Variants in HS3ST5 observed in about 807,000 individuals in gnomAD.
HS3ST5 encodes heparan sulfate-glucosamine 3-sulfotransferase 5, also known as heparan sulfate glucosamine 3-O-sulfotransferase 5.
A neutral mutation model predicts 25.4 loss-of-function variants in HS3ST5; 10 were observed. The observed-to-expected ratio is 0.39, with a 90% CI of 0.24 to 0.67. The LOEUF (loss-of-function observed/expected upper bound fraction) is 0.67. Among genes scored for constraint, HS3ST5 ranks in the 30% least tolerant of loss-of-function variants. The probability of loss-of-function intolerance (pLI) is 0.44; values close to 1 mark genes in which losing one functional copy is unlikely to be tolerated. For missense variants in HS3ST5, 324 were observed against 420.7 expected (o/e 0.77, Z 2.01); for synonymous variants, 170 against 162.4 (o/e 1.05, Z -0.36).
chr6:114,106,529 A>C (rs574012427), intron 3 of HS3ST5, among the ~76,000 whole-genome samples: 2 of 152,228 alleles, frequency 1.3e-5, no homozygotes, highest in South Asian at 4.1e-4. Flanking sequence ...ATACTTTAAA[A>C]AATACATCTA....
At chr6:114,183,925 G>C (rs983548277) in intron 2 of HS3ST5, among the ~76,000 whole-genome samples, 12 of 152,210 alleles carry the variant, frequency 7.9e-5, no homozygotes, top group African/African-American at 2.9e-4. Flanking sequence ...GAGCTTTGTT[G>C]TAAAGCAGCA....
chr6:114,336,299 A>T (rs1776609022), intron 1 of HS3ST5, among the ~76,000 whole-genome samples: 1 of 152,232 alleles, frequency 6.6e-6, no homozygotes, highest in African/African-American at 2.4e-5. Context: ...TTCCATTACC[A>T]TATAATAGAT....
chr6:114,102,227 G>T (rs1299596267), intron 3 of HS3ST5, among the ~76,000 whole-genome samples: 1 of 152,186 alleles, frequency 6.6e-6, no homozygotes, highest in Non-Finnish European at 1.5e-5. Flanking sequence ...TGTATTAACT[G>T]CAGAGTTGCC....
At chr6:114,090,034 T>A (rs527518032) in intron 3 of HS3ST5, among the ~76,000 whole-genome samples, 1 of 152,354 alleles carries the variant, frequency 6.6e-6, no homozygotes, top group African/African-American at 2.4e-5. Context: ...GAGAACCCTG[T>A]ACATGTGGCC....
intron 3 of HS3ST5, among the ~76,000 whole-genome samples, chr6:114,105,708 A>G (rs115001487): frequency 0.013 from 1,924 of 152,246 alleles, 34 homozygotes; most frequent in African/African-American, 0.043. Context: ...ATTTGCTATA[A>G]TAACTAACTG....
intron 1 of HS3ST5, among the ~76,000 whole-genome samples, chr6:114,331,361 A>T (rs1352343842): frequency 6.6e-6 from 1 of 152,212 alleles, no homozygotes; most frequent in Non-Finnish European, 1.5e-5. Context: ...TTATTGCTCA[A>T]GATTTTCTCT....
chr6:114,208,376 G>A (rs1315337436), intron 2 of HS3ST5, among the ~76,000 whole-genome samples: 1 of 152,082 alleles, frequency 6.6e-6, no homozygotes, highest in Non-Finnish European at 1.5e-5. Flanking sequence ...TCCACATTTG[G>A]GGTTGAAGAA....
chr6:114,139,199 G>C (rs1183138084), intron 3 of HS3ST5, among the ~76,000 whole-genome samples: 6 of 152,144 alleles, frequency 3.9e-5, no homozygotes, highest in Non-Finnish European at 7.4e-5. Context: ...GACTGAAGGA[G>C]TGTTTGGTTT....
At chr6:114,143,482 A>C (rs552873109) in intron 3 of HS3ST5, 2 of 152,306 alleles carry the variant, frequency 1.3e-5, no homozygotes, top group African/African-American at 4.8e-5. Flanking sequence ...ATGTAGTATC[A>C]TTACTATTCC....
At chr6:114,198,557 A>G (rs1417817285) in intron 2 of HS3ST5, among the ~76,000 whole-genome samples, 2 of 152,198 alleles carry the variant, frequency 1.3e-5, no homozygotes, top group Non-Finnish European at 1.5e-5. Flanking sequence ...TTAAGGTGCA[A>G]TTAGCACCTT....
At chr6:114,244,516 T>C (rs1772292616) in intron 1 of HS3ST5, among the ~76,000 whole-genome samples, 1 of 152,206 alleles carries the variant, frequency 6.6e-6, no homozygotes, top group South Asian at 2.1e-4. Context: ...AATATCTAGC[T>C]CATTTTTAGA....
chr6:114,153,140 G>T (rs1024390371), intron 3 of HS3ST5, among the ~76,000 whole-genome samples: 1 of 152,062 alleles, frequency 6.6e-6, no homozygotes, highest in Non-Finnish European at 1.5e-5. Flanking sequence ...TGATGCCCAC[G>T]GTACTGTTAA....
intron 2 of HS3ST5, among the ~76,000 whole-genome samples, chr6:114,224,450 T>A (rs1354493432): frequency 1.3e-5 from 2 of 151,404 alleles, no homozygotes; most frequent in Non-Finnish European, 3.0e-5. Flanking sequence ...CCTTGATAAT[T>A]TATCTCTTTA....
At position 114,189,756 on chromosome 6, in the gene HS3ST5, C is replaced by T. The variant is rs76637510; in HGVS notation, c.-144-21294G>A. Among the ~76,000 whole-genome samples, 68 of 152,172 alleles carry T rather than the reference C, an allele frequency of 4.5e-4. No homozygotes were observed. The East Asian group carries it at 0.01, about 23-fold the overall frequency. ...AGTCTCTGTTTCCTGCAAGGTGTTTCGGTCTGGTTTTGTTTGTCAAATTAG... is the reference window on the plus strand; with the variant it reads ...AGTCTCTGTTTCCTGCAAGGTGTTTTGGTCTGGTTTTGTTTGTCAAATTAG... On this transcript the variant is annotated intron_variant, in intron 2 of 4. Coordinates refer to ENST00000312719, the MANE Select transcript of HS3ST5 (RefSeq NM_153612.4).
At position 114,135,757 on chromosome 6, in the gene HS3ST5, C is replaced by G. The variant is rs914124524; in HGVS notation, c.-33+32594G>C. On this transcript the variant is annotated intron_variant, in intron 3 of 4. Transcript: ENST00000312719. The stretch of plus-strand genomic sequence containing the variant: ...TGCCAGGCATAGTGTTTATTCTGTC[C>G]TTGCTCTTTCAACTCTGCCTGGAAG... Among the ~76,000 whole-genome samples the G allele has an allele frequency of 6.6e-5, 10 of 152,174 alleles. No individual in the cohort carries two copies. In the South Asian group the frequency reaches 1.2e-3, roughly 19 times the overall value.
At chr6:114,213,076 G>C (rs961934267) in intron 2 of HS3ST5, among the ~76,000 whole-genome samples, 4 of 152,140 alleles carry the variant, frequency 2.6e-5, no homozygotes, top group Non-Finnish European at 5.9e-5. Flanking sequence ...TATTGCCGAT[G>C]AAAGTGGCTC....
At chr6:114,133,630 A>G (rs957157360) in intron 3 of HS3ST5, among the ~76,000 whole-genome samples, 2 of 152,206 alleles carry the variant, frequency 1.3e-5, no homozygotes, top group African/African-American at 2.4e-5. Context: ...TTGAGTGCTT[A>G]TTGTGTACCA....
chr6:114,242,527 T>C (rs1054416189), intron 1 of HS3ST5, among the ~76,000 whole-genome samples: 1 of 152,202 alleles, frequency 6.6e-6, no homozygotes, highest in African/African-American at 2.4e-5. Flanking sequence ...GTAGATTTTA[T>C]TGATGTCTTC....
At chr6:114,276,091 G>C (rs1773838332) in intron 1 of HS3ST5, among the ~76,000 whole-genome samples, 1 of 151,866 alleles carries the variant, frequency 6.6e-6, no homozygotes, top group Non-Finnish European at 1.5e-5. Context: ...GGGCTGGAGA[G>C]GTGGCTAGCT....
Sources: gnomAD v4.1 joint callset for allele counts (sites outside exome capture counted in the v4.1 genomes callset) on GRCh38, gnomAD v4.1.1 for gene constraint, MANE v1.5 for transcripts, NCBI Gene and HGNC (gene_info 2026-07-23, HGNC 2026-07-21) for gene names.